PRDM16: variants seen among roughly 807,000 people sequenced by gnomAD.
The protein encoded by PRDM16 is histone-lysine N-methyltransferase PRDM16.
A neutral mutation model predicts 110.6 loss-of-function variants in PRDM16; 23 were observed. The observed-to-expected ratio is 0.21, with a 90% CI of 0.15 to 0.29. PRDM16 has a LOEUF of 0.29. PRDM16 is among the 10% of genes least tolerant of loss of function. PRDM16 has a pLI of 1.00. For missense variants in PRDM16, 1,615 were observed against 1,794.3 expected (o/e 0.90, Z 1.81); for synonymous variants, 799 against 781.8 (o/e 1.02, Z -0.37).
intron 1 of PRDM16, among the ~76,000 whole-genome samples, chr1:3,105,718 G>T (rs143342477): frequency 6.6e-6 from 1 of 152,172 alleles, no homozygotes; most frequent in Non-Finnish European, 1.5e-5. Context: ...TTCCTAACTC[G>T]GCCCACAAGC....
intron 3 of PRDM16, among the ~76,000 whole-genome samples, chr1:3,338,676 T>C (rs1205781909): frequency 6.6e-6 from 1 of 152,170 alleles, no homozygotes; most frequent in African/African-American, 2.4e-5. Context: ...GAGGGCTGCT[T>C]GGCTGGCTGG....
At chr1:3,114,238 G>A (rs1173223718) in intron 1 of PRDM16, among the ~76,000 whole-genome samples, 2 of 122,578 alleles carry the variant, frequency 1.6e-5, no homozygotes, top group South Asian at 2.9e-4. Context: ...CACACACGCA[G>A]TGTAAACATG....
At chr1:3,212,670 C>T (rs1182209130) in intron 2 of PRDM16, among the ~76,000 whole-genome samples, 1 of 150,764 alleles carries the variant, frequency 6.6e-6, no homozygotes, top group Non-Finnish European at 1.5e-5. Flanking sequence ...CCCGCTCATC[C>T]TCCCGGCCCC....
At chr1:3,138,564 A>C (rs1643485127) in intron 1 of PRDM16, among the ~76,000 whole-genome samples, 1 of 152,182 alleles carries the variant, frequency 6.6e-6, no homozygotes, top group South Asian at 2.1e-4. Flanking sequence ...CTCACCTGGT[A>C]CTTGGAGGTG....
intron 2 of PRDM16, among the ~76,000 whole-genome samples, chr1:3,191,582 C>CCAAAA (rs1490581810): frequency 6.6e-6 from 1 of 152,222 alleles, no homozygotes; most frequent in Non-Finnish European, 1.5e-5. Context: ...AAACACCCAG[C>CCAAAA]CTTGAAGAAA....
At chr1:3,114,260 GCA>G (rs1642880280) in intron 1 of PRDM16, among the ~76,000 whole-genome samples, 9 of 126,472 alleles carry the variant, frequency 7.1e-5, no homozygotes, top group Non-Finnish European at 1.4e-4. Context: ...ACACGCACGC[GCA>G]CACGTACACA....
chr1:3,252,930 G>A (rs1036060313), intron 3 of PRDM16, among the ~76,000 whole-genome samples: 2 of 152,170 alleles, frequency 1.3e-5, no homozygotes, highest in Admixed American at 6.5e-5. Context: ...AGGCAGGGGT[G>A]TGTGCTCGTG....
rs575952754 is a variant in PRDM16 at position 3,124,903 on chromosome 1, G to T, written c.37+55607G>T. Among the ~76,000 whole-genome samples, 7 of 152,318 alleles carry T rather than the reference G, an allele frequency of 4.6e-5. No individual in the cohort carries two copies. The East Asian group carries it at 1.4e-3, about 29-fold the overall frequency. On this transcript the variant is annotated intron_variant, in intron 1 of 16. Coordinates refer to ENST00000270722, the MANE Select transcript of PRDM16 (RefSeq NM_022114.4). ...CCCTGTGGGAAGTAGGCTGGAGAAG[G>T]GGCCCCAGGTCTCAGGGGTACTGGA...
At chr1:3,404,271 G>A (rs1643522661) in intron 6 of PRDM16, among the ~76,000 whole-genome samples, 1 of 152,208 alleles carries the variant, frequency 6.6e-6, no homozygotes, top group Non-Finnish European at 1.5e-5. Context: ...GTGTCACCTG[G>A]AGACCCCCGA....
intron 3 of PRDM16, among the ~76,000 whole-genome samples, chr1:3,369,287 C>T (rs1642870712): frequency 1.3e-5 from 2 of 152,222 alleles, no homozygotes; most frequent in Non-Finnish European, 2.9e-5. Context: ...TCTGGCCCAT[C>T]GTGCCCACGG....
intron 3 of PRDM16, among the ~76,000 whole-genome samples, chr1:3,323,689 A>G (rs1430053914): frequency 1.3e-5 from 2 of 152,356 alleles, no homozygotes; most frequent in South Asian, 2.1e-4. Context: ...GAGCGGCCGC[A>G]CTTCCCCGCA....
chr1:3,204,953 G>A (rs980039685), intron 2 of PRDM16, among the ~76,000 whole-genome samples: 19 of 152,186 alleles, frequency 1.2e-4, no homozygotes, highest in Non-Finnish European at 1.6e-4. Context: ...AAGGCCCCGC[G>A]GGATTGTTAT....
intron 1 of PRDM16, among the ~76,000 whole-genome samples, chr1:3,142,968 G>C (rs1052017888): frequency 1.3e-5 from 2 of 152,198 alleles, no homozygotes; most frequent in Admixed American, 1.3e-4. Flanking sequence ...CTGATCTCTC[G>C]GCAACAGCTT....
chr1:3,194,696 G>GTCTCCCCGCCACACGCCATCA (rs1638417649), intron 2 of PRDM16, among the ~76,000 whole-genome samples: 5 of 150,838 alleles, frequency 3.3e-5, no homozygotes, highest in African/African-American at 1.2e-4. Flanking sequence ...ACACGCCATC[G>GTCTCCCCGCCACACGCCATCA]TCTCCCCGCC....
In PRDM16 at chr1:3,433,806, C is replaced by T. The variant is rs767318547; in HGVS notation, c.3826C>T (p.Leu1276Phe). The part of the protein sequence containing the change: ...ESGAFHPINH[L>F] ...TGGAGCATTTCACCCCATCAACCACCTCTGACGGGCTGGGCAGCCGGGGGC... is the reference window on the plus strand; with the variant it reads ...TGGAGCATTTCACCCCATCAACCACTTCTGACGGGCTGGGCAGCCGGGGGC... Residue 1276 changes from leucine (L) to phenylalanine (F), a missense_variant, in exon 17 of 17, where the codon CTC (leucine) becomes TTC (phenylalanine). Around this residue, in one of 5 missense-constraint regions of PRDM16, gnomAD observed 327 missense variants for 359.3 expected, o/e 0.91. Transcript: ENST00000270722. 7.4e-6 allele frequency: 12 copies of T among 1,613,016 alleles called. No individual in the cohort carries two copies. The highest frequency in any genetic ancestry group is 1.1e-5 in the South Asian group (1 of 91,080).
intron 3 of PRDM16, among the ~76,000 whole-genome samples, chr1:3,352,376 C>T (rs549521014): frequency 1.3e-5 from 2 of 152,198 alleles, no homozygotes; most frequent in Non-Finnish European, 2.9e-5. Flanking sequence ...TTTTCTCCCC[C>T]CAGATGCTCT....
intron 2 of PRDM16, among the ~76,000 whole-genome samples, chr1:3,195,374 G>C (rs1638448844): frequency 6.6e-6 from 1 of 152,176 alleles, no homozygotes; most frequent in South Asian, 2.1e-4. Flanking sequence ...GAAAAAAGGA[G>C]AGAGAATGAC....
intron 3 of PRDM16, among the ~76,000 whole-genome samples, chr1:3,273,826 G>A (rs868068447): frequency 5.2e-4 from 77 of 146,940 alleles, no homozygotes; most frequent in Middle Eastern, 6.8e-3. Flanking sequence ...AAGTGTGTGT[G>A]TGTGTGTGTG....
At chr1:3,180,836 C>G (rs532079287) in intron 1 of PRDM16, among the ~76,000 whole-genome samples, 4 of 152,122 alleles carry the variant, frequency 2.6e-5, no homozygotes, top group Non-Finnish European at 5.9e-5. Context: ...CAACAGGGCC[C>G]TCTGCTTACA....
Sources: gnomAD v4.1 joint callset for allele counts (sites outside exome capture counted in the v4.1 genomes callset) on GRCh38, gnomAD v4.1.1 for gene constraint, gnomAD v4.1.1 regional missense constraint, MANE v1.5 for transcripts, NCBI Gene and HGNC (gene_info 2026-07-23, HGNC 2026-07-21) for gene names.